TDRP: variants seen among roughly 807,000 people sequenced by gnomAD.
TDRP encodes the protein testis development related protein, also known as testis development-related protein.
A neutral mutation model predicts 10.5 loss-of-function variants in TDRP; 12 were observed. The ratio of observed to expected loss-of-function variants is 1.15; its 90% confidence interval spans 0.73 to 1.86. The LOEUF (loss-of-function observed/expected upper bound fraction) is 1.86. TDRP is among the 40% of genes most tolerant of loss of function. TDRP has a pLI of 0.00. For synonymous variants in TDRP, 139 were observed against 95.4 expected (o/e 1.46, Z -2.67); for missense variants, 353 against 229.2 (o/e 1.54, Z -3.49).
At chr8:512,131 A>C (rs912666759) in intron 1 of TDRP, among the ~76,000 whole-genome samples, 1 of 152,168 alleles carries the variant, frequency 6.6e-6, no homozygotes, top group Admixed American at 6.5e-5. Flanking sequence ...TTTAAAAAAA[A>C]AAACAAAATT....
Position 491,726 on chromosome 8 carries a change from G to T in TDRP, c.*673C>A, listed in dbSNP as rs768211475. Reference sequence around the variant, plus strand: ...AGAAAATAAAGGGACCGATTTAGAAGTTCAAAAGAGGTAAAAATAAAATTC... The same window carrying T: ...AGAAAATAAAGGGACCGATTTAGAATTTCAAAAGAGGTAAAAATAAAATTC... On this transcript the variant is annotated 3_prime_UTR_variant, in exon 3 of 3. Coordinates refer to ENST00000324079, the MANE Select transcript of TDRP (RefSeq NM_001384899.1). 1.2e-4 allele frequency: 178 copies of T among 1,462,298 alleles called. No homozygotes were observed. Among genetic ancestry groups the T allele is most frequent in the Non-Finnish European group, 1.5e-4 (172 of 1,118,876 alleles). The allele number at this position is 1,462,298 out of a possible 1,614,324, so 90.6% of individuals were successfully genotyped here. A position where few individuals can be genotyped will look rare whatever the true frequency, so the allele number is the denominator to read the frequency against.
intron 1 of TDRP, among the ~76,000 whole-genome samples, chr8:531,695 T>C (rs982210852): frequency 6.6e-6 from 1 of 152,260 alleles, no homozygotes; most frequent in South Asian, 2.1e-4. Context: ...TGAGTTATAC[T>C]GTGGGGACAA....
chr8:531,404 T>C (rs1802193185), intron 1 of TDRP, among the ~76,000 whole-genome samples: 1 of 152,158 alleles, frequency 6.6e-6, no homozygotes, highest in Admixed American at 6.5e-5. Context: ...GGGCACCCGT[T>C]GGTATCTGGC....
intron 1 of TDRP, among the ~76,000 whole-genome samples, chr8:504,489 C>T (rs925997613): frequency 6.6e-6 from 1 of 152,152 alleles, no homozygotes; most frequent in Non-Finnish European, 1.5e-5. Context: ...GAAACGAGAA[C>T]GGAGCCCCCT....
At chr8:515,876 A>G (rs1264532204) in intron 1 of TDRP, among the ~76,000 whole-genome samples, 1 of 152,160 alleles carries the variant, frequency 6.6e-6, no homozygotes, top group African/African-American at 2.4e-5. Flanking sequence ...GAGAGCATCA[A>G]AGAACGATTA....
At chr8:493,513 T>A (rs980254080) in intron 2 of TDRP, among the ~76,000 whole-genome samples, 2 of 152,250 alleles carry the variant, frequency 1.3e-5, no homozygotes, top group African/African-American at 2.4e-5. Flanking sequence ...CCCACAGTCC[T>A]CAAACAAAAG....
At chr8:531,977 G>A (rs1362462058) in intron 1 of TDRP, among the ~76,000 whole-genome samples, 2 of 152,168 alleles carry the variant, frequency 1.3e-5, no homozygotes, top group Non-Finnish European at 2.9e-5. Flanking sequence ...TCCTGACTGT[G>A]ATACACTTTG....
intron 1 of TDRP, among the ~76,000 whole-genome samples, chr8:510,861 C>T (rs1256272331): frequency 6.6e-6 from 1 of 152,096 alleles, no homozygotes. Context: ...TATTTCTTCC[C>T]AGAACTAGTC....
At chr8:517,220 A>T (rs910413599) in intron 1 of TDRP, among the ~76,000 whole-genome samples, 1 of 152,192 alleles carries the variant, frequency 6.6e-6, no homozygotes, top group Non-Finnish European at 1.5e-5. Flanking sequence ...CTGGTACAGC[A>T]TCACATGACA....
chr8:519,009 A>G (rs1022088925), intron 1 of TDRP, among the ~76,000 whole-genome samples: 32 of 152,126 alleles, frequency 2.1e-4, no homozygotes, highest in African/African-American at 7.5e-4. Flanking sequence ...CAGAAATGCC[A>G]ACACCTTGAT....
chr8:515,696 G>A (rs566516667), intron 1 of TDRP, among the ~76,000 whole-genome samples: 4 of 152,224 alleles, frequency 2.6e-5, no homozygotes, highest in South Asian at 2.1e-4. Flanking sequence ...ACAATTAATT[G>A]TTAAGTTATA....
chr8:514,165 G>C (rs573417488), intron 1 of TDRP, among the ~76,000 whole-genome samples: 11 of 152,260 alleles, frequency 7.2e-5, no homozygotes, highest in African/African-American at 2.6e-4. Flanking sequence ...CAAAGTAAGA[G>C]AACTCACACT....
chr8:521,161 G>A (rs1300657304), intron 1 of TDRP, among the ~76,000 whole-genome samples: 3 of 151,526 alleles, frequency 2.0e-5, no homozygotes, highest in Non-Finnish European at 1.5e-5. Flanking sequence ...CCAGCACTTT[G>A]GGAGGCCGAG....
At chr8:532,333 G>C (rs1420443042) in intron 1 of TDRP, among the ~76,000 whole-genome samples, 1 of 152,184 alleles carries the variant, frequency 6.6e-6, no homozygotes, top group Admixed American at 6.5e-5. Context: ...CTGCTACTGG[G>C]GGAAACCTGC....
intron 1 of TDRP, among the ~76,000 whole-genome samples, chr8:524,381 G>A (rs551089393): frequency 6.6e-6 from 1 of 152,242 alleles, no homozygotes; most frequent in Admixed American, 6.5e-5. Flanking sequence ...ACTCTTCAAT[G>A]CCCAGACACA....
chr8:501,554 C>A (rs13253796), intron 1 of TDRP, among the ~76,000 whole-genome samples: 1 of 152,062 alleles, frequency 6.6e-6, no homozygotes, highest in African/African-American at 2.4e-5. Context: ...ACTATGTTGG[C>A]CCGGCTGGTC....
intron 1 of TDRP, among the ~76,000 whole-genome samples, chr8:506,524 G>A (rs892716922): frequency 3.3e-5 from 5 of 152,190 alleles, no homozygotes; most frequent in East Asian, 1.9e-4. Flanking sequence ...CCCCACTCCC[G>A]GGAAGGAGGC....
chr8:532,393 G>A (rs768254454), intron 1 of TDRP, among the ~76,000 whole-genome samples: 3 of 152,190 alleles, frequency 2.0e-5, no homozygotes, highest in Non-Finnish European at 4.4e-5. Flanking sequence ...CTAGCAAGAT[G>A]ATGAACCCAT....
chr8:532,523 C>A (rs1802231414), intron 1 of TDRP, among the ~76,000 whole-genome samples: 1 of 152,212 alleles, frequency 6.6e-6, no homozygotes, highest in Non-Finnish European at 1.5e-5. Context: ...TGAGTATCAT[C>A]TTGTTCATTT....
Sources: gnomAD v4.1 joint callset for allele counts (sites outside exome capture counted in the v4.1 genomes callset) on GRCh38, gnomAD v4.1.1 for gene constraint, MANE v1.5 for transcripts, NCBI Gene and HGNC (gene_info 2026-07-23, HGNC 2026-07-21) for gene names.